The following TBC1D9 variants were observed in gnomAD, a reference collection of about 807,000 sequenced individuals.
The protein encoded by TBC1D9 is TBC1 domain family member 9, also known as TBC1 domain family member 9A.
Under a neutral mutation model 132.0 loss-of-function variants are expected in TBC1D9, and 63 were observed. That is an observed-to-expected ratio of 0.48 (90% CI 0.39 to 0.59). The LOEUF (loss-of-function observed/expected upper bound fraction) is 0.59, where lower values mean the gene tolerates loss of function less well. Ranked by LOEUF, TBC1D9 falls within the 20% of genes least tolerant of loss-of-function variation. TBC1D9 has a pLI of 0.00. For synonymous variants in TBC1D9, 610 were observed against 609.9 expected, an observed-to-expected ratio of 1.00 and a Z score of 0.00; for missense variants, 1,261 against 1,592.7, an observed-to-expected ratio of 0.79 and a Z score of 3.54.
intron 1 of TBC1D9, among the ~76,000 whole-genome samples, chr4:140,717,743 GA>G (rs2111055139): frequency 6.6e-6 from 1 of 152,258 alleles, no homozygotes; most frequent in East Asian, 1.9e-4. Flanking sequence ...ATGTGATTGG[GA>G]CAAGTATGTG....
At chr4:140,674,240 T>C (rs1737587838) in intron 6 of TBC1D9, among the ~76,000 whole-genome samples, 1 of 152,200 alleles carries the variant, frequency 6.6e-6, no homozygotes, top group Non-Finnish European at 1.5e-5. Flanking sequence ...AATGTAAAAC[T>C]GTTACATTAT....
Position 140,622,638 on chromosome 4 carries a change from C to G in TBC1D9, c.3358G>C (p.Asp1120His). 1 of 1,611,432 alleles carries G rather than the reference C, an allele frequency of 6.2e-7. No individual in the cohort carries two copies. The highest frequency in any genetic ancestry group is 1.1e-5 in the South Asian group (1 of 90,734). Residue 1120 changes from aspartate (D) to histidine (H), a missense_variant, in exon 21 of 21, where the codon GAC becomes CAC. Coordinates refer to ENST00000442267, the MANE Select transcript of TBC1D9 (RefSeq NM_015130.3). Reference protein sequence around the residue: ...VEPLPASLAPDSEEHSLGGQM... With the variant: ...VEPLPASLAPHSEEHSLGGQM... ...CCTCCAAGGGAGTGTTCCTCGCTGT[C>G]GGGGGCCAGGCTGGCCGGCAGGGGC...
intron 10 of TBC1D9, among the ~76,000 whole-genome samples, chr4:140,660,010 C>T (rs1191257376): frequency 6.6e-6 from 1 of 152,194 alleles, no homozygotes; most frequent in East Asian, 1.9e-4. Flanking sequence ...ACCCCTATTC[C>T]AAAAATTTGC....
intron 6 of TBC1D9, among the ~76,000 whole-genome samples, chr4:140,676,558 C>T (rs1339926986): frequency 2.0e-5 from 3 of 152,170 alleles, no homozygotes; most frequent in African/African-American, 4.8e-5. Flanking sequence ...GAGGCTGAGG[C>T]AGGAGAATCG....
At chr4:140,710,202 G>A (rs79322647) in intron 1 of TBC1D9, among the ~76,000 whole-genome samples, 178 of 152,198 alleles carry the variant, frequency 1.2e-3, no homozygotes, top group African/African-American at 4.0e-3. Context: ...GTGAATGAAG[G>A]AGGCATGAGG....
At chr4:140,745,107 A>T (rs1738818143) in intron 1 of TBC1D9, among the ~76,000 whole-genome samples, 1 of 152,048 alleles carries the variant, frequency 6.6e-6, no homozygotes, top group Admixed American at 6.6e-5. Context: ...GCCCAGACAA[A>T]ACCAATTACA....
chr4:140,701,651 GCCTTAGTA>G (rs1469573769), intron 1 of TBC1D9, 37 bp from the exon 2 acceptor site: 2 of 1,523,332 alleles, frequency 1.3e-6, no homozygotes, highest in East Asian at 2.3e-5. Flanking sequence ...GGTAAGAATT[GCCTTAGTA>G]CTTTCCCACA....
chr4:140,729,254 C>T lies in TBC1D9; in HGVS notation c.130+26662G>A, dbSNP rs182860763. ...CTACGTAAAAGTAAAATTACACAGA[C>T]GTAATGTGTATACTAGATAATTTAC... On this transcript the variant is annotated intron_variant, in intron 1 of 20. Transcript: ENST00000442267. Among the ~76,000 whole-genome samples, 122 of 152,112 alleles carry T rather than the reference C, an allele frequency of 8.0e-4. 1 individual carries two copies. The highest frequency in any genetic ancestry group is 1.4e-3 in the Admixed American group (21 of 15,270).
intron 2 of TBC1D9, among the ~76,000 whole-genome samples, chr4:140,698,411 C>A (rs1420798742): frequency 6.6e-6 from 1 of 152,130 alleles, no homozygotes; most frequent in Non-Finnish European, 1.5e-5. Context: ...TGGTTATAGT[C>A]AATTGTCATT....
intron 1 of TBC1D9, among the ~76,000 whole-genome samples, chr4:140,742,018 T>C (rs1738765779): frequency 3.3e-5 from 5 of 152,184 alleles, no homozygotes. Flanking sequence ...CTGTAACTTG[T>C]GCCCCTAAAA....
chr4:140,645,110 T>G, intron 13 of TBC1D9: 1 of 551,900 alleles, frequency 1.8e-6, no homozygotes, highest in South Asian at 1.5e-5. Context: ...GGTTCAGGCC[T>G]TTAGGAGCAC....
Position 140,694,848 on chromosome 4 carries a change from T to C in TBC1D9, c.241+6656A>G, listed in dbSNP as rs191266079. 4.7e-3 allele frequency among the ~76,000 whole-genome samples: 717 copies of C among 151,964 alleles called. 4 individuals carry two copies. The highest frequency in any genetic ancestry group is 0.016 in the African/African-American group (667 of 41,520). ...TTTGTTTTCTTTTTTATTCATTTTA[T>C]GTATCTATATTTTGTAATTTTTGCA... On this transcript the variant is annotated intron_variant, in intron 2 of 20. Transcript: ENST00000442267.
chr4:140,633,921 AC>A, intron 16 of TBC1D9, 26 bp downstream of exon 16: 2 of 1,611,480 alleles, frequency 1.2e-6, no homozygotes, highest in Non-Finnish European at 1.7e-6. Context: ...TCCCATCCCA[AC>A]TCATGCAATA....
intron 1 of TBC1D9, among the ~76,000 whole-genome samples, chr4:140,737,651 C>T (rs920678215): frequency 2.0e-5 from 3 of 152,136 alleles, no homozygotes; most frequent in African/African-American, 7.2e-5. Context: ...TTAAACAATA[C>T]AAAGTGAACT....
At position 140,751,760 on chromosome 4, in the gene TBC1D9, T is replaced by C. The variant is rs555486454; in HGVS notation, c.130+4156A>G. Reference sequence around the variant, plus strand: ...GTTAGTAAGAAAAAAGACAATCCGGTTGAAAAATGGACAAGAGACTTGAAC... The same window carrying C: ...GTTAGTAAGAAAAAAGACAATCCGGCTGAAAAATGGACAAGAGACTTGAAC... On this transcript the variant is annotated intron_variant, in intron 1 of 20. Coordinates refer to ENST00000442267, the MANE Select transcript of TBC1D9 (RefSeq NM_015130.3). 1.1e-3 allele frequency among the ~76,000 whole-genome samples: 164 copies of C among 152,226 alleles called. 1 individual carries two copies. The highest frequency in any genetic ancestry group is 3.7e-3 in the African/African-American group (155 of 41,542).
chr4:140,644,781 A>G (rs964295084), intron 13 of TBC1D9: 8 of 400,182 alleles, frequency 2.0e-5, no homozygotes, highest in African/African-American at 6.4e-5. Context: ...GGGCGGGGCA[A>G]AGGGGCAGCA....
At position 140,643,120 on chromosome 4, in the gene TBC1D9, G is replaced by T. The variant is rs1737035285; in HGVS notation, c.2338-3692C>A. The T allele has an allele frequency of 2.8e-6, 4 of 1,408,768 alleles. 1 individual carries two copies. In the South Asian group the frequency reaches 3.7e-5, roughly 13 times the overall value. The allele number at this position is 1,408,768 out of a possible 1,614,324, so 87.3% of individuals were successfully genotyped here. ...GTGGGAGCCGCAGGTTCTTGAGCGGGTCCCACCACGGGCCCATCCAGCACC... is the reference window on the plus strand; with the variant it reads ...GTGGGAGCCGCAGGTTCTTGAGCGGTTCCCACCACGGGCCCATCCAGCACC... On this transcript the variant is annotated intron_variant, in intron 13 of 20. Transcript: ENST00000442267.
chr4:140,653,751 AC>A (rs1321472948), intron 13 of TBC1D9, among the ~76,000 whole-genome samples: 1 of 152,120 alleles, frequency 6.6e-6, no homozygotes, highest in Non-Finnish European at 1.5e-5. Context: ...GAAAACAAAA[AC>A]CTAGTTATCA....
chr4:140,624,151 A>C lies in TBC1D9; in HGVS notation c.3043T>G (p.Ser1015Ala), dbSNP rs1355758678. The change falls in exon 20 of 21, where the codon TCA becomes GCA. Residue 1015 changes from serine to alanine, a missense_variant. Coordinates refer to ENST00000442267, the MANE Select transcript of TBC1D9 (RefSeq NM_015130.3). ...TTGGGTAAATCCTTTGCATTCTTTGACTTAGATTTATTTTCTGGAGTCCAC... is the reference window on the plus strand; with the variant it reads ...TTGGGTAAATCCTTTGCATTCTTTGCCTTAGATTTATTTTCTGGAGTCCAC... ...RLWTPENKSK[S>A]KNAKDLPKLN... is the part of the protein sequence containing the mutation. 3.1e-6 allele frequency: 5 copies of C among 1,611,146 alleles called. No individual in the cohort carries two copies. Among genetic ancestry groups the C allele is most frequent in the Non-Finnish European group, 4.2e-6 (5 of 1,178,324 alleles).
Sources: gnomAD v4.1 joint callset for allele counts (sites outside exome capture counted in the v4.1 genomes callset) on GRCh38, gnomAD v4.1.1 for gene constraint, MANE v1.5 for transcripts, NCBI Gene and HGNC (gene_info 2026-07-23, HGNC 2026-07-21) for gene names.